OPCML: variants seen among roughly 807,000 people sequenced by gnomAD.
OPCML encodes the protein opioid-binding protein/cell adhesion molecule.
OPCML carries 13 observed loss-of-function variants against 37.8 expected under a neutral mutation model. The ratio of observed to expected loss-of-function variants is 0.34; its 90% CI spans 0.22 to 0.55. OPCML has a LOEUF of 0.55. Among genes scored for constraint, OPCML ranks in the 20% least tolerant of loss-of-function variants. OPCML has a pLI of 0.91. For synonymous variants in OPCML, 176 were observed against 168.8 expected (o/e 1.04, Z -0.33); for missense variants, 341 against 435.6 (o/e 0.78, Z 1.93).
At chr11:132,590,612 A>C (rs1311817738) in intron 3 of OPCML, among the ~76,000 whole-genome samples, 1 of 152,224 alleles carries the variant, frequency 6.6e-6, no homozygotes, top group Non-Finnish European at 1.5e-5. Context: ...AAAGTCAAAC[A>C]GATTAGAAAG....
At chr11:133,029,490 T>C (rs1947625907) in intron 1 of OPCML, among the ~76,000 whole-genome samples, 2 of 152,098 alleles carry the variant, frequency 1.3e-5, no homozygotes, top group Non-Finnish European at 2.9e-5. Context: ...CAATGGTGAA[T>C]TGGATAAAGA....
intron 1 of OPCML, among the ~76,000 whole-genome samples, chr11:133,125,969 T>TAC (rs1394372490): frequency 6.7e-6 from 1 of 149,598 alleles, no homozygotes; most frequent in Non-Finnish European, 1.5e-5. Flanking sequence ...TGTATATATA[T>TAC]ACATGTATAT....
At chr11:133,024,587 C>T (rs772485467) in intron 1 of OPCML, 107 of 984,388 alleles carry the variant, frequency 1.1e-4, no homozygotes, top group Non-Finnish European at 1.2e-4. Context: ...GGATTTTTGC[C>T]CTGTGAATAT....
chr11:132,941,824 T>A (rs1945587471), intron 2 of OPCML, among the ~76,000 whole-genome samples: 1 of 152,184 alleles, frequency 6.6e-6, no homozygotes, highest in South Asian at 2.1e-4. Context: ...AGAATTCTGG[T>A]GTCCCAGAGA....
rs1314938275 is a variant in OPCML at position 133,100,812 on chromosome 11, G to A, written c.62-157802C>T. Among the ~76,000 whole-genome samples the A allele has an allele frequency of 2.6e-5, 4 of 152,226 alleles. No homozygotes were observed. The East Asian group carries it at 7.7e-4, about 29-fold the overall frequency. Reference sequence around the variant, plus strand: ...TCCTTATACCTTTTGCCAAAAGGAAGTGAAAATAGATCATAGGCCCAGATG... The same window carrying A: ...TCCTTATACCTTTTGCCAAAAGGAAATGAAAATAGATCATAGGCCCAGATG... On this transcript the variant is annotated intron_variant, in intron 1 of 7. Transcript: ENST00000524381.
chr11:132,794,943 C>T (rs1349210279), intron 2 of OPCML, among the ~76,000 whole-genome samples: 1 of 148,584 alleles, frequency 6.7e-6, no homozygotes, highest in East Asian at 1.9e-4. Context: ...TACAGTGATG[C>T]CAGCTGAATG....
intron 1 of OPCML, among the ~76,000 whole-genome samples, chr11:132,974,680 C>T (rs765618167): frequency 3.0e-4 from 46 of 152,134 alleles, no homozygotes; most frequent in Non-Finnish European, 3.8e-4. Flanking sequence ...AATCATTCTA[C>T]CATAAAGGCA....
intron 2 of OPCML, among the ~76,000 whole-genome samples, chr11:132,694,079 A>G (rs1943508222): frequency 6.7e-6 from 1 of 150,182 alleles, no homozygotes; most frequent in Non-Finnish European, 1.5e-5. Context: ...AAAACCTCTC[A>G]CAGTTCTGCC....
At chr11:132,853,019 T>C (rs924980686) in intron 2 of OPCML, among the ~76,000 whole-genome samples, 2 of 152,218 alleles carry the variant, frequency 1.3e-5, no homozygotes, top group Admixed American at 6.5e-5. Context: ...AAAGCAATTG[T>C]GTCATCATTT....
chr11:132,774,347 G>A (rs1160127568), intron 2 of OPCML, among the ~76,000 whole-genome samples: 1 of 152,100 alleles, frequency 6.6e-6, no homozygotes, highest in Non-Finnish European at 1.5e-5. Flanking sequence ...TAATGGCTTA[G>A]AAGCAGTAAA....
At chr11:132,556,307 A>G (rs1029903017) in intron 3 of OPCML, among the ~76,000 whole-genome samples, 1 of 152,204 alleles carries the variant, frequency 6.6e-6, no homozygotes, top group Non-Finnish European at 1.5e-5. Flanking sequence ...ACTTAAGATC[A>G]TTTATAAGAA....
At chr11:133,420,738 G>A (rs1945869117) in intron 1 of OPCML, 3 of 985,252 alleles carry the variant, frequency 3.0e-6, no homozygotes, top group Non-Finnish European at 3.6e-6. Context: ...TGGGGACTAG[G>A]TTTAAAAAGT....
chr11:132,870,568 T>C (rs1159304746), intron 2 of OPCML, among the ~76,000 whole-genome samples: 1 of 151,908 alleles, frequency 6.6e-6, no homozygotes, highest in Non-Finnish European at 1.5e-5. Flanking sequence ...CCAAAGAAAA[T>C]GAAATCAGAC....
At chr11:133,385,150 C>T (rs566931841) in intron 1 of OPCML, among the ~76,000 whole-genome samples, 6 of 152,154 alleles carry the variant, frequency 3.9e-5, no homozygotes, top group Non-Finnish European at 8.8e-5. Flanking sequence ...AGCACTGGCT[C>T]TGGGGAAGCT....
chr11:133,229,344 A>G (rs1290549289), intron 1 of OPCML, among the ~76,000 whole-genome samples: 1 of 152,134 alleles, frequency 6.6e-6, no homozygotes, highest in African/African-American at 2.4e-5. Context: ...GACCAGATCA[A>G]TTGTCTTGGT....
chr11:133,277,702 T>G (rs893433924), intron 1 of OPCML, among the ~76,000 whole-genome samples: 6 of 152,070 alleles, frequency 3.9e-5, no homozygotes, highest in African/African-American at 1.4e-4. Context: ...TATACATATA[T>G]GTGTGTGTAT....
At chr11:132,610,926 G>A (rs1323872066) in intron 3 of OPCML, among the ~76,000 whole-genome samples, 2 of 152,138 alleles carry the variant, frequency 1.3e-5, no homozygotes, top group Admixed American at 6.6e-5. Flanking sequence ...CTATACCTCA[G>A]GGGAGAGCTC....
intron 3 of OPCML, among the ~76,000 whole-genome samples, chr11:132,562,844 AT>A (rs779086801): frequency 1.6e-4 from 24 of 152,204 alleles, no homozygotes; most frequent in Non-Finnish European, 2.8e-4. Flanking sequence ...TAACATTAAA[AT>A]AAAAAGCAGG....
chr11:133,299,918 G>A (rs1422428186), intron 1 of OPCML: 1 of 152,180 alleles, frequency 6.6e-6, no homozygotes, highest in Non-Finnish European at 1.5e-5. Context: ...CTTCAGTGAA[G>A]TTGAGGGTCC....
Sources: allele counts gnomAD v4.1 joint callset (sites outside exome capture counted in the v4.1 genomes callset), GRCh38; gene constraint gnomAD v4.1.1; transcripts MANE v1.5; gene names NCBI Gene and HGNC (gene_info 2026-07-23, HGNC 2026-07-21).